Variants in DPP10 observed in about 807,000 individuals in gnomAD.
DPP10 encodes inactive dipeptidyl peptidase 10.
A neutral mutation model predicts 120.9 loss-of-function variants in DPP10; 33 were observed. The ratio of observed to expected loss-of-function variants is 0.27; its 90% confidence interval spans 0.21 to 0.37. The LOEUF (loss-of-function observed/expected upper bound fraction) is 0.37, where lower values mean the gene tolerates loss of function less well. DPP10 is among the 10% of genes least tolerant of loss of function. DPP10 has a pLI of 1.00. For missense variants in DPP10, 816 were observed against 942.8 expected (o/e 0.87, Z 1.76); for synonymous variants, 337 against 326.1 (o/e 1.03, Z -0.36).
chr2:115,422,542 C>T (rs72959725), intron 3 of DPP10, among the ~76,000 whole-genome samples: 65 of 152,236 alleles, frequency 4.3e-4, no homozygotes, highest in African/African-American at 1.5e-3. Flanking sequence ...GAAAGTTCTA[C>T]CCATAGATTT....
chr2:115,520,591 A>ACATC (rs1367872131), intron 4 of DPP10, among the ~76,000 whole-genome samples: 4 of 152,076 alleles, frequency 2.6e-5, no homozygotes, highest in Admixed American at 1.3e-4. Flanking sequence ...AGAACAATAC[A>ACATC]CATCCCTACT....
chr2:114,664,765 A>G (rs1031670789), intron 1 of DPP10, among the ~76,000 whole-genome samples: 2 of 152,104 alleles, frequency 1.3e-5, no homozygotes, highest in African/African-American at 4.8e-5. Context: ...CATCCAAAAG[A>G]TGGCATAGAG....
chr2:114,947,360 T>C (rs1697443732), intron 1 of DPP10, among the ~76,000 whole-genome samples: 1 of 151,918 alleles, frequency 6.6e-6, no homozygotes, highest in Admixed American at 6.6e-5. Flanking sequence ...TACACAATTT[T>C]TTCCATCGAT....
intron 1 of DPP10, among the ~76,000 whole-genome samples, chr2:115,081,097 A>G (rs1708238602): frequency 6.6e-6 from 1 of 152,066 alleles, no homozygotes; most frequent in Non-Finnish European, 1.5e-5. Context: ...TAACATATTT[A>G]GTTGCAGATT....
At chr2:114,845,614 C>G (rs897493444) in intron 1 of DPP10, among the ~76,000 whole-genome samples, 2 of 152,074 alleles carry the variant, frequency 1.3e-5, no homozygotes, top group African/African-American at 2.4e-5. Flanking sequence ...GGCAGGCTCC[C>G]CTAAGTGTTG....
intron 1 of DPP10, among the ~76,000 whole-genome samples, chr2:114,458,541 TTA>T (rs1336797390): frequency 6.6e-6 from 1 of 152,204 alleles, no homozygotes; most frequent in African/African-American, 2.4e-5. Flanking sequence ...GGAGGCAATA[TTA>T]TATCCTTGCT....
At chr2:115,812,193 G>C (rs1686718716) in intron 19 of DPP10, among the ~76,000 whole-genome samples, 1 of 152,102 alleles carries the variant, frequency 6.6e-6, no homozygotes, top group Admixed American at 6.6e-5. Context: ...ACTCAGCTTA[G>C]TATTCAAAGG....
chr2:114,454,576 A>G (rs1678461929), intron 1 of DPP10, among the ~76,000 whole-genome samples: 1 of 152,090 alleles, frequency 6.6e-6, no homozygotes, highest in Non-Finnish European at 1.5e-5. Flanking sequence ...CTGCTATTTT[A>G]AGCCTCTCAA....
chr2:115,436,256 T>C (rs1020126764), intron 3 of DPP10, among the ~76,000 whole-genome samples: 1 of 151,894 alleles, frequency 6.6e-6, no homozygotes, highest in Non-Finnish European at 1.5e-5. Flanking sequence ...ACCATGTTCT[T>C]ACCTCTGTGT....
chr2:115,428,031 A>C (rs768743488), intron 3 of DPP10, among the ~76,000 whole-genome samples: 1 of 152,190 alleles, frequency 6.6e-6, no homozygotes, highest in African/African-American at 2.4e-5. Context: ...TCCTTAGGGC[A>C]TGAACAGAAT....
chr2:114,640,539 C>T (rs1249560887), intron 1 of DPP10, among the ~76,000 whole-genome samples: 1 of 151,700 alleles, frequency 6.6e-6, no homozygotes, highest in Non-Finnish European at 1.5e-5. Context: ...CTCGTCATGC[C>T]TCAGGTCAAG....
intron 3 of DPP10, among the ~76,000 whole-genome samples, chr2:115,486,902 T>TA (rs1431498362): frequency 6.6e-6 from 1 of 152,166 alleles, no homozygotes; most frequent in African/African-American, 2.4e-5. Context: ...AAAGGCTCTT[T>TA]ATCACAGGAA....
At chr2:114,613,363 T>C (rs967481521) in intron 1 of DPP10, among the ~76,000 whole-genome samples, 10 of 152,170 alleles carry the variant, frequency 6.6e-5, no homozygotes, top group South Asian at 4.1e-4. Context: ...AAAATTTCCG[T>C]GAACTGCCAG....
At chr2:114,482,715 A>C (rs185999256) in intron 1 of DPP10, among the ~76,000 whole-genome samples, 68 of 152,302 alleles carry the variant, frequency 4.5e-4, no homozygotes, top group Non-Finnish European at 2.1e-4. Context: ...TCTTGTTGAC[A>C]AGCTTCAGAT....
At chr2:115,229,414 G>A (rs1248345821) in intron 1 of DPP10, among the ~76,000 whole-genome samples, 7 of 151,898 alleles carry the variant, frequency 4.6e-5, no homozygotes, top group Admixed American at 1.3e-4. Flanking sequence ...CTTTCGTTGC[G>A]CATGCTTGTT....
chr2:114,852,579 C>A (rs542656676), intron 1 of DPP10, among the ~76,000 whole-genome samples: 40 of 150,948 alleles, frequency 2.6e-4, no homozygotes, highest in Admixed American at 4.6e-4. Context: ...AATACGATAC[C>A]ATTTCATATC....
chr2:115,465,041 T>C lies in DPP10; in HGVS notation c.272-34469T>C, dbSNP rs75074438. On this transcript the variant is annotated intron_variant, in intron 3 of 25. Transcript: ENST00000410059. ...GTCTGCCTGGGAACAGTACACTTTT[T>C]GGTAACATCTTAGAGCAGAAAATAT... Among the ~76,000 whole-genome samples, 44 of 152,326 alleles carry C rather than the reference T, an allele frequency of 2.9e-4. 2 individuals are homozygous for C. The East Asian group carries it at 8.5e-3, about 29-fold the overall frequency.
chr2:115,334,778 T>G (rs947175845), intron 2 of DPP10, among the ~76,000 whole-genome samples: 13 of 151,994 alleles, frequency 8.6e-5, no homozygotes, highest in African/African-American at 3.1e-4. Context: ...TTTTACATTT[T>G]AATAATAATA....
chr2:115,569,584 T>C (rs537957545), intron 5 of DPP10, among the ~76,000 whole-genome samples: 41 of 152,252 alleles, frequency 2.7e-4, no homozygotes, highest in Non-Finnish European at 5.4e-4. Flanking sequence ...AATCAAGGGA[T>C]ATTTTTGGTC....
Sources: allele counts gnomAD v4.1 joint callset (sites outside exome capture counted in the v4.1 genomes callset), GRCh38; gene constraint gnomAD v4.1.1; transcripts MANE v1.5; gene names NCBI Gene and HGNC (gene_info 2026-07-23, HGNC 2026-07-21).